Variants in USP45 observed in about 807,000 individuals in gnomAD.
The protein encoded by USP45 is ubiquitin specific peptidase 45, also known as ubiquitin carboxyl-terminal hydrolase 45.
Under a neutral mutation model 95.8 loss-of-function variants are expected in USP45, and 89 were observed. That is an observed-to-expected ratio of 0.93 (90% confidence interval 0.78 to 1.11). The LOEUF (loss-of-function observed/expected upper bound fraction) is 1.11. USP45 is among the 50% of genes least tolerant of loss of function. The pLI is 0.00. For synonymous variants in USP45, 281 were observed against 316.2 expected, an observed-to-expected ratio of 0.89 and a Z score of 1.18; for missense variants, 898 against 942.5, an observed-to-expected ratio of 0.95 and a Z score of 0.62.
Position 99,503,638 on chromosome 6 carries a change from T to C in USP45, c.478+127A>G, listed in dbSNP as rs989639781. The stretch of plus-strand genomic sequence containing the variant: ...AGCCACTGCACCCAGCCGATACTCA[T>C]AATATCTTTATTCAAATTATTGGCT... On this transcript the variant is annotated intron_variant, in intron 5 of 17. Coordinates refer to ENST00000500704, the MANE Select transcript of USP45 (RefSeq NM_001346022.3). The C allele has an allele frequency of 3.2e-5, 21 of 664,348 alleles. No homozygotes were observed. The South Asian group carries it at 3.3e-4, about 10-fold the overall frequency. 41.2% of individuals were successfully genotyped at this position (664,348 alleles called of 1,614,324 possible). A position where few individuals can be genotyped will look rare whatever the true frequency, so the allele number is the denominator to read the frequency against.
intron 7 of USP45, 129 bp downstream of exon 7, chr6:99,488,071 T>C (rs1794381453): frequency 3.1e-6 from 2 of 636,598 alleles, no homozygotes; most frequent in Non-Finnish European, 5.4e-6. Context: ...TTTCACAGAA[T>C]GCTTTTAAAT....
rs1255428621 is a variant in USP45 at position 99,432,422 on chromosome 6, T to C, written c.*3294A>G. The C allele has an allele frequency of 6.6e-6, 1 of 152,126 alleles. No individual in the cohort carries two copies. Among genetic ancestry groups the C allele is most frequent in the Non-Finnish European group, 1.5e-5 (1 of 68,048 alleles). 9.4% of individuals were successfully genotyped at this position (152,126 alleles called of 1,614,324 possible). A position where few individuals can be genotyped will look rare whatever the true frequency, so the allele number is the denominator to read the frequency against. The stretch of plus-strand genomic sequence containing the variant: ...CTGTCAATAACGTAAACTGTGAAAA[T>C]TCCAGGACCAATCTTGTAACATGAG... On this transcript the variant is annotated 3_prime_UTR_variant, in exon 18 of 18. Coordinates refer to ENST00000500704, the MANE Select transcript of USP45 (RefSeq NM_001346022.3).
chr6:99,455,605 T>C (rs1400854537), intron 13 of USP45, among the ~76,000 whole-genome samples: 1 of 151,956 alleles, frequency 6.6e-6, no homozygotes, highest in Non-Finnish European at 1.5e-5. Context: ...CTATTCACAA[T>C]AGCCAAGAAA....
intron 13 of USP45, chr6:99,462,836 T>G: frequency 7.2e-6 from 2 of 278,378 alleles, no homozygotes; most frequent in Non-Finnish European, 1.1e-5. Context: ...TAACAAAAAT[T>G]AGCCGGGCAT....
At chr6:99,457,043 G>C (rs1785254554) in intron 13 of USP45, among the ~76,000 whole-genome samples, 8 of 152,178 alleles carry the variant, frequency 5.3e-5, no homozygotes. Context: ...GTCTCCCATA[G>C]TGCTCCCAGG....
upstream of USP45, among the ~76,000 whole-genome samples, chr6:99,516,021 C>G (rs1305593065): frequency 2.0e-5 from 3 of 152,056 alleles, no homozygotes; most frequent in Non-Finnish European, 4.4e-5. Flanking sequence ...TTGTGATCCG[C>G]CCGCCCCGGC....
chr6:99,508,173 T>TA (rs111787578), intron 3 of USP45, among the ~76,000 whole-genome samples: 13,874 of 139,306 alleles, frequency 0.1, 2,006 homozygotes, highest in African/African-American at 0.33. Flanking sequence ...CTTATTTTTT[T>TA]AAAAAAGTAT....
At chr6:99,478,036 C>T (rs558837058) in intron 8 of USP45, among the ~76,000 whole-genome samples, 1 of 152,050 alleles carries the variant, frequency 6.6e-6, no homozygotes, top group Non-Finnish European at 1.5e-5. Context: ...TCTTCACTAG[C>T]CAAGTGGTAG....
Position 99,488,810 on chromosome 6 carries a change from A to G in USP45, c.489T>C (p.Ser163=), listed in dbSNP as rs774359515. The change falls in exon 6 of 18, where the codon TCT becomes TCC. Residue 163 remains serine, a synonymous_variant. Coordinates refer to ENST00000500704, the MANE Select transcript of USP45 (RefSeq NM_001346022.3). ...TTTCTTCACAAAGTTTCATGATTCT[A>G]GAAAATGCACCTACAAGTTAGAGAA... ...HASKTQTSAF[S]RIMKLCEEKC... The G allele has an allele frequency of 1.3e-5, 21 of 1,588,554 alleles. No homozygotes were observed. The African/African-American group carries it at 2.7e-4, about 21-fold the overall frequency.
At chr6:99,509,096 C>G (rs931733212) in intron 2 of USP45, among the ~76,000 whole-genome samples, 6 of 152,150 alleles carry the variant, frequency 3.9e-5, no homozygotes, top group African/African-American at 1.4e-4. Context: ...TTATACAAAG[C>G]TATACATGTA....
At position 99,433,189 on chromosome 6, in the gene USP45, G is replaced by C. The variant is rs1779968818; in HGVS notation, c.*2527C>G. On this transcript the variant is annotated 3_prime_UTR_variant, in exon 18 of 18. Coordinates refer to ENST00000500704, the MANE Select transcript of USP45 (RefSeq NM_001346022.3). ...CTCTTCTCAGCTACCTAAAAAGGTG[G>C]TCTTCACAAGTTTTAAGAACATTAA... The C allele has an allele frequency of 6.6e-6, 1 of 152,274 alleles. No individual in the cohort carries two copies. The highest frequency in any genetic ancestry group is 1.5e-5 in the Non-Finnish European group (1 of 68,010). The allele number at this position is 152,274 out of a possible 1,614,324, so 9.4% of individuals were successfully genotyped here.
rs1298714140 is a variant in USP45 at position 99,435,810 on chromosome 6, CACTGGCCT to C, written c.2343_2350del (p.Gln783ProfsTer3). On this transcript the variant is annotated frameshift_variant, in exon 18 of 18. Transcript: ENST00000500704. LOFTEE classifies it high-confidence loss of function. ...TAAGTAAGTGTCACTAACATGGACCCACTGGCCTGCTGATTCATTATCAGCCGCTTTCA... is the reference window on the plus strand; with the variant it reads ...TAAGTAAGTGTCACTAACATGGACCCGCTGATTCATTATCAGCCGCTTTCA... The C allele has an allele frequency of 1.9e-6, 3 of 1,613,428 alleles. No homozygotes were observed. The East Asian group carries it at 6.7e-5, about 36-fold the overall frequency.
At chr6:99,466,622 T>C (rs1788036755) in intron 11 of USP45, 50 bp downstream of exon 11, 1 of 1,403,264 alleles carries the variant, frequency 7.1e-7, no homozygotes, top group African/African-American at 1.4e-5. Context: ...ATAATAAAAA[T>C]GATGTGATTG....
chr6:99,511,184 C>CTATTAT (rs71809544), intron 1 of USP45, among the ~76,000 whole-genome samples: 2 of 149,566 alleles, frequency 1.3e-5, no homozygotes, highest in Admixed American at 6.7e-5. Flanking sequence ...ATTATTATTA[C>CTATTAT]TATTATTATT....
rs185387570 is a variant in USP45, at chr6:99,513,829, G to A, written c.-11+1563C>T. Among the ~76,000 whole-genome samples, 300 of 152,210 alleles carry A rather than the reference G, an allele frequency of 2.0e-3. 5 individuals carry two copies. Among genetic ancestry groups the A allele is most frequent in the African/African-American group, 5.9e-3 (246 of 41,544 alleles). ...TCCAATTTCCATTTGAGGCAAAAGG[G>A]CAAAATTAAAAGTCCAATTATTAGA... is the stretch of plus-strand genomic sequence containing the variant. On this transcript the variant is annotated intron_variant, in intron 1 of 17. Coordinates refer to ENST00000500704, the MANE Select transcript of USP45 (RefSeq NM_001346022.3).
At position 99,445,900 on chromosome 6, in the gene USP45, G is replaced by A. The variant is rs142081950; in HGVS notation, c.1872C>T (p.Leu624=). ...GTAATTCCATAGATGTAAACTGGTA[G>A]AGACAGGACTGAATTGAACATTCTT... ...TSKECSIQSC[L]YQFTSMELLM... Residue 624 remains leucine, a synonymous_variant, in exon 14 of 18, where the codon CTC becomes CTT. Transcript: ENST00000500704. The A allele has an allele frequency of 1.3e-4, 211 of 1,613,946 alleles. 1 individual carries two copies. The African/African-American group carries it at 2.7e-3, about 20-fold the overall frequency.
intron 5 of USP45, among the ~76,000 whole-genome samples, chr6:99,491,788 G>A (rs1795231088): frequency 6.6e-6 from 1 of 151,454 alleles, no homozygotes; most frequent in Admixed American, 6.6e-5. Context: ...AAAACATGAA[G>A]CAGACTTAAC....
At chr6:99,501,729 T>G (rs1004246341) in intron 5 of USP45, 4 of 270,870 alleles carry the variant, frequency 1.5e-5, no homozygotes, top group African/African-American at 6.7e-5. Context: ...TCCTATACAC[T>G]CTTAACATAC....
At chr6:99,495,800 C>T (rs1000636645) in intron 5 of USP45, among the ~76,000 whole-genome samples, 12 of 152,200 alleles carry the variant, frequency 7.9e-5, no homozygotes, top group African/African-American at 2.9e-4. Flanking sequence ...TAGTTTGTAG[C>T]AGTCCTTCTC....
Sources: allele counts gnomAD v4.1 joint callset (sites outside exome capture counted in the v4.1 genomes callset), GRCh38; gene constraint gnomAD v4.1.1; transcripts MANE v1.5; gene names NCBI Gene and HGNC (gene_info 2026-07-23, HGNC 2026-07-21).